The following NLRP14 variants were observed in gnomAD, a reference collection of about 807,000 sequenced individuals.
NLRP14 encodes the protein NLR family pyrin domain containing 14.
Under a neutral mutation model 94.7 loss-of-function variants are expected in NLRP14, and 105 were observed. That is an observed-to-expected ratio of 1.11 (90% confidence interval 0.95 to 1.30). The LOEUF (loss-of-function observed/expected upper bound fraction) is 1.30. NLRP14 is among the 50% of genes most tolerant of loss of function. The pLI is 0.00. For synonymous variants in NLRP14, 508 were observed against 459.9 expected, an observed-to-expected ratio of 1.10 and a Z score of -1.34; for missense variants, 1,362 against 1,254.1, an observed-to-expected ratio of 1.09 and a Z score of -1.30.
At chr11:7,089,136 C>A in the NLRP14 span, 2 of 1,613,770 alleles carry the variant, frequency 1.2e-6, no homozygotes, top group South Asian at 1.1e-5. Flanking sequence ...TGAAGCGGAT[C>A]GCCCGGGGAA....
intron 6 of NLRP14, among the ~76,000 whole-genome samples, chr11:7,051,996 C>G (rs1203389661): frequency 6.6e-6 from 1 of 152,186 alleles, no homozygotes; most frequent in Non-Finnish European, 1.5e-5. Context: ...GGAGAAAGAT[C>G]TATTCTCTTT....
chr11:7,040,262 C>A (rs906556903), intron 3 of NLRP14, among the ~76,000 whole-genome samples: 1 of 152,134 alleles, frequency 6.6e-6, no homozygotes, highest in East Asian at 1.9e-4. Flanking sequence ...GGCGGCCCCT[C>A]GGGAATCAGG....
intron 6 of NLRP14, among the ~76,000 whole-genome samples, chr11:7,053,533 T>A (rs1240130112): frequency 6.6e-6 from 1 of 150,826 alleles, no homozygotes; most frequent in African/African-American, 2.4e-5. Context: ...AATTGTAGGA[T>A]ACTTAGGAAA....
chr11:7,088,710 A>AT, the NLRP14 span, among the ~76,000 whole-genome samples: 5 of 152,070 alleles, frequency 3.3e-5, no homozygotes, highest in African/African-American at 7.2e-5. Flanking sequence ...AATTCATACT[A>AT]TTTTTTTCTG....
At chr11:7,022,708 T>G (rs1387416655) in intron 1 of NLRP14, among the ~76,000 whole-genome samples, 11 of 152,062 alleles carry the variant, frequency 7.2e-5, no homozygotes, top group Non-Finnish European at 1.2e-4. Context: ...AGATTATAGT[T>G]CAAAACCCAT....
the NLRP14 span, among the ~76,000 whole-genome samples, chr11:7,085,830 T>C: frequency 6.6e-6 from 1 of 152,214 alleles, no homozygotes; most frequent in East Asian, 1.9e-4. Flanking sequence ...CTGTACATGT[T>C]CAGTACATAC....
intron 6 of NLRP14, among the ~76,000 whole-genome samples, chr11:7,051,599 G>A (rs1852441921): frequency 6.6e-6 from 1 of 152,046 alleles, no homozygotes. Flanking sequence ...CATACTGAAA[G>A]GATACATAAT....
In NLRP14 at chr11:7,046,764, T is replaced by G; in HGVS notation, c.2055T>G (p.Leu685=). ...AATTGGACCTGTACCATAGCAACCT[T>G]GATAAATCAGCAATGAATATCCTGC... is the stretch of plus-strand genomic sequence containing the variant. ...LRELDLYHSN[L]DKSAMNILHH... is the part of the protein sequence containing the mutation. The change falls in exon 5 of 12, where the codon CTT becomes CTG. Residue 685 remains leucine, a synonymous_variant. Coordinates refer to ENST00000299481, the MANE Select transcript of NLRP14 (RefSeq NM_176822.4). 6.2e-7 allele frequency: 1 copy of G among 1,613,672 alleles called. No individual in the cohort carries two copies. Among genetic ancestry groups the G allele is most frequent in the Non-Finnish European group, 8.5e-7 (1 of 1,179,558 alleles).
chr11:7,070,223 C>T, intron 10 of NLRP14, 63 bp from the exon 11 acceptor site: 3 of 1,201,420 alleles, frequency 2.5e-6, no homozygotes, highest in East Asian at 2.3e-5. Context: ...TCACAGATCT[C>T]TTGTGGGCTT....
chr11:7,073,318 G>A (rs1337904758), downstream of NLRP14, among the ~76,000 whole-genome samples: 1 of 152,104 alleles, frequency 6.6e-6, no homozygotes, highest in Non-Finnish European at 1.5e-5. Context: ...CCTTGTCTGT[G>A]GGAGAAAATA....
intron 1 of NLRP14, among the ~76,000 whole-genome samples, chr11:7,030,628 A>C (rs937640649): frequency 6.6e-6 from 1 of 152,022 alleles, no homozygotes; most frequent in Non-Finnish European, 1.5e-5. Flanking sequence ...AACAGAATGT[A>C]AGCTCCATGG....
intron 9 of NLRP14, among the ~76,000 whole-genome samples, chr11:7,061,513 C>T (rs1387799889): frequency 6.6e-6 from 1 of 151,936 alleles, no homozygotes; most frequent in African/African-American, 2.4e-5. Flanking sequence ...ATATTTTCAA[C>T]CAATATGAAC....
chr11:7,068,341 A>T lies in NLRP14; in HGVS notation c.2976-1945A>T, dbSNP rs118033186. Among the ~76,000 whole-genome samples the T allele has an allele frequency of 7.4e-3, 1,129 of 152,286 alleles. 9 individuals are homozygous for T. The highest frequency in any genetic ancestry group is 0.026 in the South Asian group (127 of 4,826). On this transcript the variant is annotated intron_variant, in intron 10 of 11. Transcript: ENST00000299481. ...TTCCCTTTCTTCTTCTCCAACAAAGATATTTAAGGTTACAACTTCCCTTCA... is the reference window on the plus strand; with the variant it reads ...TTCCCTTTCTTCTTCTCCAACAAAGTTATTTAAGGTTACAACTTCCCTTCA...
downstream of NLRP14, among the ~76,000 whole-genome samples, chr11:7,073,103 G>A (rs116216785): frequency 6.6e-6 from 1 of 152,100 alleles, no homozygotes; most frequent in African/African-American, 2.4e-5. Flanking sequence ...CTGCAGTGTG[G>A]GGATTCAGGA....
At chr11:7,034,329 A>C (rs182768642) in intron 1 of NLRP14, among the ~76,000 whole-genome samples, 53 of 152,234 alleles carry the variant, frequency 3.5e-4, no homozygotes, top group African/African-American at 1.2e-3. Flanking sequence ...GTCTTTTTGC[A>C]TACCCCATTA....
intron 6 of NLRP14, 145 bp from the exon 7 acceptor site, chr11:7,057,532 A>G (rs1852533270): frequency 1.4e-6 from 1 of 735,704 alleles, no homozygotes; most frequent in Non-Finnish European, 2.4e-6. Context: ...CTTTAGTTAA[A>G]TAACTTTTTT....
At chr11:7,044,558 G>C (rs1852323106) in intron 4 of NLRP14, among the ~76,000 whole-genome samples, 1 of 152,076 alleles carries the variant, frequency 6.6e-6, no homozygotes, top group African/African-American at 2.4e-5. Context: ...AGGTTAATAA[G>C]AAATAGTAGG....
At chr11:7,063,298 C>T (rs1394562292) in intron 10 of NLRP14, among the ~76,000 whole-genome samples, 1 of 152,036 alleles carries the variant, frequency 6.6e-6, no homozygotes, top group Non-Finnish European at 1.5e-5. Context: ...AGACAAAGGA[C>T]TTTATTGCTT....
At chr11:7,027,644 T>G (rs1405409549) in intron 1 of NLRP14, among the ~76,000 whole-genome samples, 19 of 152,150 alleles carry the variant, frequency 1.2e-4, no homozygotes, top group Admixed American at 9.2e-4. Context: ...TGAGCCAAAC[T>G]TCTTAGAAAG....
Sources: gnomAD v4.1 joint callset for allele counts (sites outside exome capture counted in the v4.1 genomes callset) on GRCh38, gnomAD v4.1.1 for gene constraint, MANE v1.5 for transcripts, NCBI Gene and HGNC (gene_info 2026-07-23, HGNC 2026-07-21) for gene names.